INPP5A: variants seen among roughly 807,000 people sequenced by gnomAD.
INPP5A encodes 43 kDa inositol polyphosphate 5-phophatase.
INPP5A carries 14 observed loss-of-function variants against 65.2 expected under a neutral mutation model. The ratio of observed to expected loss-of-function variants is 0.21; its 90% CI spans 0.14 to 0.34. The LOEUF (loss-of-function observed/expected upper bound fraction) is 0.34. INPP5A is among the 10% of genes least tolerant of loss of function. The probability of loss-of-function intolerance (pLI) is 1.00; values close to 1 mark genes in which losing one functional copy is unlikely to be tolerated. For synonymous variants in INPP5A, 207 were observed against 208.3 expected (o/e 0.99, Z 0.05); for missense variants, 431 against 545.6 (o/e 0.79, Z 2.09).
chr10:132,690,377 C>G lies in INPP5A; in HGVS notation c.307-15C>G. 13 of 1,555,546 alleles carry G rather than the reference C, an allele frequency of 8.4e-6. No individual in the cohort carries two copies. Among genetic ancestry groups the G allele is most frequent in the Non-Finnish European group, 1.2e-5 (13 of 1,128,744 alleles). On this transcript the variant is annotated splice_polypyrimidine_tract_variant and intron_variant, in intron 4 of 15. Transcript: ENST00000368594. ...AGCACCAGTCTCTCATTTGATTTCT[C>G]TTTTTGCTCTACAGGCACTAGGAAG... is the stretch of plus-strand genomic sequence containing the variant.
chr10:132,597,107 G>A (rs2814454), intron 1 of INPP5A, among the ~76,000 whole-genome samples: 37,420 of 152,054 alleles, frequency 0.25, 5,437 homozygotes, highest in East Asian at 0.5. Flanking sequence ...GTGTTTGCAT[G>A]TGTGTGCATG....
Position 132,767,336 on chromosome 10 carries a change from G to A in INPP5A, c.977+1490G>A, listed in dbSNP as rs1846866192. On this transcript the variant is annotated intron_variant, in intron 12 of 15. Transcript: ENST00000368594. ...GGCCTCGGAGCTTGGGTGGGAGCTGGAGGATGTGTCCTCAGCTTGGGGACA... is the reference window on the plus strand; with the variant it reads ...GGCCTCGGAGCTTGGGTGGGAGCTGAAGGATGTGTCCTCAGCTTGGGGACA... 1.6e-4 allele frequency among the ~76,000 whole-genome samples: 3 copies of A among 18,202 alleles called. 1 individual carries two copies. Among genetic ancestry groups the A allele is most frequent in the Admixed American group, 1.9e-3 (2 of 1,032 alleles). The allele number at this position is 18,202 out of a possible 152,430, so 11.9% of individuals were successfully genotyped here.
At position 132,770,180 on chromosome 10, in the gene INPP5A, G is replaced by A. The variant is rs116259208; in HGVS notation, c.977+4334G>A. 7.7e-3 allele frequency among the ~76,000 whole-genome samples: 1,167 copies of A among 152,276 alleles called. 16 individuals are homozygous for A. Among genetic ancestry groups the A allele is most frequent in the African/African-American group, 0.026 (1,076 of 41,560 alleles). ...GTGGCCTCAGCGTCCCCCTCAGGAT[G>A]CTATCGTCTCCTCTGGGCAGGCTGA... is the stretch of plus-strand genomic sequence containing the variant. On this transcript the variant is annotated intron_variant, in intron 12 of 15. Transcript: ENST00000368594.
chr10:132,654,226 C>T (rs1283269184), intron 4 of INPP5A, among the ~76,000 whole-genome samples: 1 of 152,282 alleles, frequency 6.6e-6, no homozygotes, highest in Non-Finnish European at 1.5e-5. Flanking sequence ...CGCCCTTCAG[C>T]TCAGTGGGCT....
chr10:132,613,285 G>A (rs1296517512), intron 2 of INPP5A, among the ~76,000 whole-genome samples: 3 of 150,280 alleles, frequency 2.0e-5, no homozygotes, highest in Admixed American at 6.6e-5. Context: ...CCCCCGCAGG[G>A]CCCCCTCCTT....
chr10:132,747,849 G>T (rs949081036), intron 9 of INPP5A, among the ~76,000 whole-genome samples: 19 of 152,146 alleles, frequency 1.2e-4, no homozygotes, highest in African/African-American at 4.6e-4. Flanking sequence ...AGAGGTTCAC[G>T]GCCAACCTGG....
In INPP5A at chr10:132,663,818, T is replaced by C. The variant is rs1376411987; in HGVS notation, c.306+13313T>C. ...CTCGCTCCTCTTCTGAGCCGTGAGC[T>C]GGGCAGGGCCGCGCTCACATCATTC... On this transcript the variant is annotated intron_variant, in intron 4 of 15. Transcript: ENST00000368594. This position sits in a 1 kb window ranked among gnomAD's most constrained non-coding sequence, Gnocchi z 4.5. Among the ~76,000 whole-genome samples the C allele has an allele frequency of 1.3e-5, 2 of 152,142 alleles. No homozygotes were observed. The highest frequency in any genetic ancestry group is 2.9e-5 in the Non-Finnish European group (2 of 68,018).
At chr10:132,628,529 G>A (rs1049930726) in intron 2 of INPP5A, among the ~76,000 whole-genome samples, 22 of 145,504 alleles carry the variant, frequency 1.5e-4, no homozygotes, top group African/African-American at 4.0e-4. Context: ...TTTCCTTTCC[G>A]GATGGGGAAG....
intron 4 of INPP5A, among the ~76,000 whole-genome samples, chr10:132,654,544 C>T (rs547669663): frequency 4.6e-5 from 7 of 152,152 alleles, no homozygotes; most frequent in South Asian, 2.1e-4. Flanking sequence ...CTGACTTCCC[C>T]GGGGTCCTGG....
rs1266013690 is a variant in INPP5A at position 132,651,467 on chromosome 10, G to T, written c.306+962G>T. ...GGAGGCCCTGGGTCCCCCGGCTTGG[G>T]TCCATCTCCCCCATCTCTGGGGAGG... On this transcript the variant is annotated intron_variant, in intron 4 of 15. Coordinates refer to ENST00000368594, the MANE Select transcript of INPP5A (RefSeq NM_005539.5). This position sits in a 1 kb window ranked among gnomAD's most constrained non-coding sequence, Gnocchi z 5.0. 2.5e-5 allele frequency among the ~76,000 whole-genome samples: 3 copies of T among 119,814 alleles called. No individual in the cohort carries two copies. Among genetic ancestry groups the T allele is most frequent in the Admixed American group, 2.4e-4 (3 of 12,414 alleles). The allele number at this position is 119,814 out of a possible 152,430, so 78.6% of individuals were successfully genotyped here.
chr10:132,779,563 C>T (rs1847122874), intron 13 of INPP5A, among the ~76,000 whole-genome samples: 1 of 152,252 alleles, frequency 6.6e-6, no homozygotes, highest in Admixed American at 6.5e-5. Context: ...CTCACAGCCT[C>T]TCGGGTTCTC....
intron 9 of INPP5A, among the ~76,000 whole-genome samples, chr10:132,736,253 C>T (rs1308398686): frequency 2.6e-5 from 4 of 152,338 alleles, no homozygotes; most frequent in Admixed American, 6.5e-5. Flanking sequence ...GCAGCTGGGG[C>T]GCTCAGCTGG....
At chr10:132,755,090 CATGTGAGCAGGCAAGT>C (rs1396969472) in intron 11 of INPP5A, among the ~76,000 whole-genome samples, 1 of 151,454 alleles carries the variant, frequency 6.6e-6, no homozygotes, top group Non-Finnish European at 1.5e-5. Context: ...TGTGCATATG[CATGTGAGCAGGCAAGT>C]GTGTGAGCTG....
At position 132,733,018 on chromosome 10, in the gene INPP5A, G is replaced by A. The variant is rs549066988; in HGVS notation, c.732+6113G>A. Among the ~76,000 whole-genome samples the A allele has an allele frequency of 5.9e-5, 9 of 152,204 alleles. No homozygotes were observed. The South Asian group carries it at 1.0e-3, about 18-fold the overall frequency. On this transcript the variant is annotated intron_variant, in intron 9 of 15. Transcript: ENST00000368594. ...ACATCCAAAATCAAGGTGTCCTAGC[G>A]CCACGCTGCTCCTGGAGGCTCCAGG...
At chr10:132,729,385 C>T (rs1846042243) in intron 9 of INPP5A, among the ~76,000 whole-genome samples, 1 of 152,216 alleles carries the variant, frequency 6.6e-6, no homozygotes, top group African/African-American at 2.4e-5. Context: ...CAAGATCAGT[C>T]CTATTTCTTA....
chr10:132,611,897 CA>C (rs1309280654), intron 2 of INPP5A, among the ~76,000 whole-genome samples: 2 of 130,660 alleles, frequency 1.5e-5, no homozygotes, highest in East Asian at 2.4e-4. Context: ...GAGGCCCCAT[CA>C]GAGGAGGGTG....
chr10:132,714,681 G>A (rs901607458), intron 8 of INPP5A, among the ~76,000 whole-genome samples: 1 of 151,992 alleles, frequency 6.6e-6, no homozygotes, highest in African/African-American at 2.4e-5. Flanking sequence ...CCTTCGCACC[G>A]TTGCTCTAAA....
rs2072966580 is a variant in INPP5A, at chr10:132,676,531, C to G, written c.307-13861C>G. Among the ~76,000 whole-genome samples, 5 of 152,198 alleles carry G rather than the reference C, an allele frequency of 3.3e-5. No individual in the cohort carries two copies. Among genetic ancestry groups the G allele is most frequent in the Admixed American group, 2.6e-4 (4 of 15,280 alleles). On this transcript the variant is annotated intron_variant, in intron 4 of 15. Coordinates refer to ENST00000368594, the MANE Select transcript of INPP5A (RefSeq NM_005539.5). The surrounding 1 kb of genome is among the most constrained non-coding windows in gnomAD (Gnocchi z 4.0). Reference sequence around the variant, plus strand: ...CAATAGAGATTTCCCTTTTGAAAAGCAAGGTCCATGATAATGGGCTGAACA... The same window carrying G: ...CAATAGAGATTTCCCTTTTGAAAAGGAAGGTCCATGATAATGGGCTGAACA...
chr10:132,731,000 C>T (rs1309925851), intron 9 of INPP5A, among the ~76,000 whole-genome samples: 3 of 152,222 alleles, frequency 2.0e-5, no homozygotes, highest in Non-Finnish European at 4.4e-5. Flanking sequence ...GGAACATTCC[C>T]GTGGACTTGC....
Sources: gnomAD v4.1 joint callset for allele counts (sites outside exome capture counted in the v4.1 genomes callset) on GRCh38, gnomAD v4.1.1 for gene constraint, Gnocchi (gnomAD v3.1) non-coding constraint, MANE v1.5 for transcripts, NCBI Gene and HGNC (gene_info 2026-07-23, HGNC 2026-07-21) for gene names.